BRI3: variants seen among roughly 807,000 people sequenced by gnomAD.
BRI3 encodes brain protein I3.
Under a neutral mutation model 12.8 loss-of-function variants are expected in BRI3, and 6 were observed. The observed-to-expected ratio is 0.47, with a 90% CI of 0.26 to 0.93. BRI3 has a LOEUF of 0.93. Ranked by LOEUF, BRI3 falls within the 40% of genes least tolerant of loss-of-function variation. The pLI is 0.15. For synonymous variants in BRI3, 91 were observed against 76.1 expected, an observed-to-expected ratio of 1.20 and a Z score of -1.02; for missense variants, 134 against 171.1, an observed-to-expected ratio of 0.78 and a Z score of 1.21.
chr7:98,307,911 G>A, exon 2 of BRI3: 2 of 1,613,610 alleles, frequency 1.2e-6, no homozygotes, highest in Non-Finnish European at 1.7e-6. Context: ...TGGAGGGAGT[G>A]TAGCAGTAAT....
downstream of BRI3, chr7:98,294,220 T>C: frequency 1.8e-6 from 2 of 1,105,940 alleles, no homozygotes; most frequent in East Asian, 5.2e-5. Flanking sequence ...TTCGAACTCC[T>C]GAGCTCACGT....
upstream of BRI3, among the ~76,000 whole-genome samples, chr7:98,304,597 G>A (rs952369269): frequency 6.6e-6 from 1 of 152,022 alleles, no homozygotes; most frequent in Admixed American, 6.6e-5. Flanking sequence ...ACCCAGGCTG[G>A]AGTGCAATGA....
At chr7:98,317,179 TCAA>T in the BRI3 span, 15,645 of 1,613,474 alleles carry the variant, frequency 9.7e-3, 85 homozygotes, top group Non-Finnish European at 0.011. Flanking sequence ...GTGCAAATTG[TCAA>T]CAACAAAAGA....
At chr7:98,306,598 A>G (rs747731963) in exon 1 of BRI3, 1 of 1,591,458 alleles carries the variant, frequency 6.3e-7, no homozygotes, top group Admixed American at 1.7e-5. Context: ...GTGAGAGCTC[A>G]GGGCAGACAG....
At chr7:98,301,997 C>T (rs898398113), upstream of BRI3, among the ~76,000 whole-genome samples, 2 of 152,090 alleles carry the variant, frequency 1.3e-5, no homozygotes, top group East Asian at 1.9e-4. Flanking sequence ...CTCTGCTGCC[C>T]GAGGAAGTGG....
intron 1 of BRI3, among the ~76,000 whole-genome samples, chr7:98,299,902 G>A (rs1800351424): frequency 1.3e-5 from 2 of 152,116 alleles, no homozygotes; most frequent in South Asian, 4.1e-4. Flanking sequence ...TTAGCTGGGT[G>A]TGGTGGCATG....
At chr7:98,290,490 C>T (rs1181720433) in intron 2 of BRI3, among the ~76,000 whole-genome samples, 15 of 150,732 alleles carry the variant, frequency 1.0e-4, no homozygotes, top group African/African-American at 2.7e-4. Context: ...CCACCGCGCC[C>T]GGCCATCTCT....
At chr7:98,297,812 C>T (rs540910444), downstream of BRI3, among the ~76,000 whole-genome samples, 3 of 152,320 alleles carry the variant, frequency 2.0e-5, no homozygotes, top group Non-Finnish European at 2.9e-5. Flanking sequence ...GAGGGGCTCA[C>T]GCCACGTGAG....
chr7:98,282,102 C>T (rs951467832), intron 1 of BRI3, among the ~76,000 whole-genome samples, 165 bp downstream of exon 1: 54 of 152,170 alleles, frequency 3.5e-4, no homozygotes, highest in African/African-American at 1.0e-3. Flanking sequence ...AGCCTCCCCC[C>T]CGGGGCTCTA....
At chr7:98,294,976 G>C (rs1800125670), downstream of BRI3, among the ~76,000 whole-genome samples, 2 of 152,198 alleles carry the variant, frequency 1.3e-5, no homozygotes, top group East Asian at 1.9e-4. Flanking sequence ...CCTGCACACA[G>C]GGAGTGGAGT....
intron 2 of BRI3, among the ~76,000 whole-genome samples, chr7:98,287,126 G>A (rs1195809173): frequency 6.6e-6 from 1 of 152,262 alleles, no homozygotes; most frequent in African/African-American, 2.4e-5. Context: ...TCTGTTGCTG[G>A]CAGAGGCCTG....
chr7:98,291,184 A>G lies in BRI3; in HGVS notation c.319A>G (p.Ile107Val), dbSNP rs770581415. 1.2e-6 allele frequency: 2 copies of G among 1,614,042 alleles called. No individual in the cohort carries two copies. The highest frequency in any genetic ancestry group is 8.5e-7 in the Non-Finnish European group (1 of 1,180,030). ...CATCATCCTCTTCCCCTTTGGGTTC[A>G]TTTGCTGTTTTGCCTTGAGGAAGCG... The part of the protein sequence containing the change: ...LAIILFPFGF[I>V]CCFALRKRRC... Residue 107 changes from isoleucine (I) to valine (V), a missense_variant, in exon 3 of 3, where the codon ATT becomes GTT. By Grantham distance (29) the Ile-to-Val change is conservative (BLOSUM62 3). Coordinates refer to ENST00000297290, the MANE Select transcript of BRI3 (RefSeq NM_015379.5).
chr7:98,302,192 C>T (rs532299057), upstream of BRI3, among the ~76,000 whole-genome samples: 4 of 152,360 alleles, frequency 2.6e-5, no homozygotes, highest in Non-Finnish European at 4.4e-5. Context: ...TTCCATTTAT[C>T]CAATTCCCTG....
chr7:98,291,555 C>G, downstream of BRI3: 1 of 1,147,254 alleles, frequency 8.7e-7, no homozygotes, highest in Middle Eastern at 3.9e-4. Flanking sequence ...TCGGTGCTTT[C>G]AGAGACCCAG....
At chr7:98,317,429 A>G in the BRI3 span, 2 of 1,577,008 alleles carry the variant, frequency 1.3e-6, no homozygotes, top group South Asian at 1.1e-5. Context: ...CTTTACTCAC[A>G]CTTCCACTGT....
chr7:98,294,234 C>T (rs1800091439), downstream of BRI3: 1 of 970,824 alleles, frequency 1.0e-6, no homozygotes, highest in African/African-American at 1.6e-5. Flanking sequence ...CTCACGTGAT[C>T]CTTCCACCTT....
chr7:98,282,688 C>T (rs1164451347), intron 2 of BRI3: 2 of 516,970 alleles, frequency 3.9e-6, no homozygotes, highest in East Asian at 3.3e-5. Flanking sequence ...ATTCCTTTTC[C>T]TAGATCTTGG....
exon 2 of BRI3, chr7:98,308,790 TC>T (rs1338596963): frequency 1.9e-5 from 3 of 155,456 alleles, no homozygotes; most frequent in Non-Finnish European, 4.3e-5. Context: ...GGATCCTCCC[TC>T]CTCAGCCTCC....
chr7:98,293,517 C>A (rs1260329952), downstream of BRI3: 63 of 1,612,412 alleles, frequency 3.9e-5, no homozygotes, highest in Admixed American at 9.7e-4. Context: ...CCTTGGCTGT[C>A]CTCTCATCGA....
Sources: allele counts gnomAD v4.1 joint callset (sites outside exome capture counted in the v4.1 genomes callset), GRCh38; gene constraint gnomAD v4.1.1; transcripts MANE v1.5; gene names NCBI Gene and HGNC (gene_info 2026-07-23, HGNC 2026-07-21).